Variants in OR56A3 observed in about 807,000 individuals in gnomAD.
OR56A3 encodes the protein olfactory receptor 56A3.
Under a neutral mutation model 17.5 loss-of-function variants are expected in OR56A3, and 23 were observed. The observed-to-expected ratio is 1.32, with a 90% CI of 0.95 to 1.87. The LOEUF (loss-of-function observed/expected upper bound fraction) is 1.87, where lower values mean the gene tolerates loss of function less well. OR56A3 is among the 40% of genes most tolerant of loss of function. OR56A3 has a pLI of 0.00. For missense variants in OR56A3, 366 were observed against 380.1 expected, an observed-to-expected ratio of 0.96 and a Z score of 0.31; for synonymous variants, 175 against 150.6, an observed-to-expected ratio of 1.16 and a Z score of -1.19.
chr11:5,997,682 GAAAAACAA>G, the OR56A3 span, among the ~76,000 whole-genome samples: 29 of 152,244 alleles, frequency 1.9e-4, no homozygotes, highest in African/African-American at 6.7e-4. Flanking sequence ...TTATATACTT[GAAAAACAA>G]ATATTTCTAG....
the OR56A3 span, chr11:5,968,151 G>A: frequency 1.2e-5 from 20 of 1,614,062 alleles, no homozygotes; most frequent in East Asian, 4.5e-4. Context: ...GAATGTGCAG[G>A]ACTCCATAGT....
the OR56A3 span, among the ~76,000 whole-genome samples, chr11:6,016,046 G>A: frequency 0.68 from 103,263 of 151,956 alleles, 35,411 homozygotes; most frequent in East Asian, 0.94. Context: ...AATGTTGGAG[G>A]TGGGACCTAG....
At chr11:5,981,749 G>A in the OR56A3 span, among the ~76,000 whole-genome samples, 1 of 152,156 alleles carries the variant, frequency 6.6e-6, no homozygotes. Flanking sequence ...TTTTTGAGTT[G>A]ACAGAGTTCT....
chr11:5,947,925 C>T lies in OR56A3; in HGVS notation c.579C>T (p.Cys193=), dbSNP rs755191763. The change falls in exon 3 of 3, where the codon TGC becomes TGT. Residue 193 remains cysteine, a synonymous_variant. Transcript: ENST00000641160. ...ATATGTCTGTTTCCAGACTCTCCTG[C>T]GATGATGTCACCATCAATCACCTTT... ...CANMSVSRLS[C]DDVTINHLYQ... 2.2e-5 allele frequency: 36 copies of T among 1,613,890 alleles called. No individual in the cohort carries two copies. The highest frequency in any genetic ancestry group is 8.9e-5 in the East Asian group (4 of 44,900).
In OR56A3 at chr11:5,950,952, TAC is replaced by T. The variant is rs1244736450; in HGVS notation, c.*2660_*2661del. 3.9e-5 allele frequency: 6 copies of T among 152,126 alleles called. No individual in the cohort carries two copies. Among genetic ancestry groups the T allele is most frequent in the African/African-American group, 1.4e-4 (6 of 41,444 alleles). The allele number at this position is 152,126 out of a possible 1,614,324, so 9.4% of individuals were successfully genotyped here. A position where few individuals can be genotyped will look rare whatever the true frequency, so the allele number is the denominator to read the frequency against. ...ATTCTTCTTGAAATACATCTTATAA[TAC>T]AGTTATATTTATATTATTTTGTTTT... On this transcript the variant is annotated 3_prime_UTR_variant, in exon 3 of 3. Coordinates refer to ENST00000641160, the MANE Select transcript of OR56A3 (RefSeq NM_001003443.3).
the OR56A3 span, among the ~76,000 whole-genome samples, chr11:5,983,013 G>A: frequency 6.6e-6 from 1 of 151,892 alleles, no homozygotes; most frequent in African/African-American, 2.4e-5. Context: ...CCAAAGTGTT[G>A]TCAGTATTCT....
chr11:5,966,861 C>G, the OR56A3 span, among the ~76,000 whole-genome samples: 18 of 148,486 alleles, frequency 1.2e-4, no homozygotes, highest in Admixed American at 6.1e-4. Context: ...TAAAATATAT[C>G]TTAAAAAAGG....
the OR56A3 span, chr11:6,021,213 T>G: frequency 6.6e-6 from 1 of 151,942 alleles, no homozygotes; most frequent in Non-Finnish European, 1.5e-5. Flanking sequence ...TTCGAGGGGG[T>G]TTATTGCCAA....
chr11:5,969,847 C>T, the OR56A3 span, among the ~76,000 whole-genome samples: 1 of 152,078 alleles, frequency 6.6e-6, no homozygotes, highest in African/African-American at 2.4e-5. Flanking sequence ...GAGAAGTGAT[C>T]ACTGTGTGAA....
Position 5,947,556 on chromosome 11 carries a change from C to T in OR56A3, c.210C>T (p.Leu70=), listed in dbSNP as rs771658054. Residue 70 remains leucine (L), a synonymous_variant, in exon 3 of 3, where the codon CTC becomes CTT. Transcript: ENST00000641160. ...CCCTGTACTACCTGCTCAGCCTCCT[C>T]TCCCTGCTGGACATCGTGCTCTGCC... ...HQPLYYLLSL[L]SLLDIVLCLT... is the part of the protein sequence containing the mutation. 4.3e-6 allele frequency: 7 copies of T among 1,614,084 alleles called. No individual in the cohort carries two copies. Among genetic ancestry groups the T allele is most frequent in the Non-Finnish European group, 5.9e-6 (7 of 1,180,058 alleles).
At chr11:5,977,912 A>C in the OR56A3 span, among the ~76,000 whole-genome samples, 1 of 152,152 alleles carries the variant, frequency 6.6e-6, no homozygotes, top group African/African-American at 2.4e-5. Context: ...TCCAGTTTCA[A>C]TCTTCTGCAT....
the OR56A3 span, among the ~76,000 whole-genome samples, chr11:5,961,557 G>A: frequency 4.7e-3 from 712 of 152,064 alleles, 7 homozygotes; most frequent in African/African-American, 0.017. Flanking sequence ...CAGCATACTC[G>A]TTAAGAGTCA....
chr11:6,001,231 T>C, the OR56A3 span: 1 of 152,210 alleles, frequency 6.6e-6, no homozygotes, highest in African/African-American at 2.4e-5. Context: ...GGATGGCTCA[T>C]TTGTGCCTAG....
At chr11:6,002,737 C>T in the OR56A3 span, 1 of 1,614,128 alleles carries the variant, frequency 6.2e-7, no homozygotes, top group South Asian at 1.1e-5. Context: ...CAGAAGATGG[C>T]CAGGACCTTG....
At chr11:5,978,731 G>C in the OR56A3 span, among the ~76,000 whole-genome samples, 1 of 152,004 alleles carries the variant, frequency 6.6e-6, no homozygotes, top group Non-Finnish European at 1.5e-5. Context: ...TGATTGCTCT[G>C]TCCACGACTT....
the OR56A3 span, chr11:5,995,045 C>T: frequency 3.9e-4 from 248 of 632,550 alleles, no homozygotes; most frequent in Non-Finnish European, 6.4e-4. Flanking sequence ...GAGGCCCCGG[C>T]GCCTGCATAG....
chr11:5,967,260 G>T, the OR56A3 span: 16 of 312,676 alleles, frequency 5.1e-5, no homozygotes, highest in Non-Finnish European at 7.0e-5. Flanking sequence ...TCCTTTGTTT[G>T]AAAACCATAC....
At chr11:5,959,014 T>C in the OR56A3 span, among the ~76,000 whole-genome samples, 1 of 152,354 alleles carries the variant, frequency 6.6e-6, no homozygotes, top group African/African-American at 2.4e-5. Context: ...CCACATTTTA[T>C]TTTCATTAAT....
At chr11:5,978,203 A>G in the OR56A3 span, among the ~76,000 whole-genome samples, 2 of 152,144 alleles carry the variant, frequency 1.3e-5, no homozygotes, top group Non-Finnish European at 2.9e-5. Context: ...TTTTGGTTCT[A>G]TATGAATTTT....
Sources: allele counts gnomAD v4.1 joint callset (sites outside exome capture counted in the v4.1 genomes callset), GRCh38; gene constraint gnomAD v4.1.1; transcripts MANE v1.5; gene names NCBI Gene and HGNC (gene_info 2026-07-23, HGNC 2026-07-21).